Variants in TMEM59 observed in about 807,000 individuals in gnomAD.
TMEM59 encodes the protein transmembrane protein 59, also known as dendritic cell factor 1.
TMEM59 carries 44 observed loss-of-function variants against 42.2 expected under a neutral mutation model. The ratio of observed to expected loss-of-function variants is 1.04; its 90% CI spans 0.82 to 1.34. TMEM59 has a LOEUF of 1.34. Among genes scored for constraint, TMEM59 ranks in the 40% most tolerant of loss-of-function variants. The probability of loss-of-function intolerance (pLI) is 0.00; values close to 1 mark genes in which losing one functional copy is unlikely to be tolerated. For synonymous variants in TMEM59, 148 were observed against 145.8 expected, an observed-to-expected ratio of 1.02 and a Z score of -0.11; for missense variants, 359 against 382.8, an observed-to-expected ratio of 0.94 and a Z score of 0.52.
intron 4 of TMEM59, 89 bp downstream of exon 4, chr1:54,043,284 G>C: frequency 4.4e-6 from 5 of 1,126,642 alleles, no homozygotes; most frequent in Non-Finnish European, 5.9e-6. Flanking sequence ...GTAAGTGACT[G>C]AGTATGGTTC....
intron 3 of TMEM59, chr1:54,043,754 C>G (rs1657226065): frequency 5.4e-6 from 1 of 184,452 alleles, no homozygotes; most frequent in Non-Finnish European, 1.1e-5. Context: ...TACTAGCTAC[C>G]TGTCACCTCT....
intron 5 of TMEM59, 83 bp downstream of exon 5, chr1:54,041,641 T>C: frequency 9.5e-7 from 1 of 1,057,680 alleles, no homozygotes; most frequent in Non-Finnish European, 1.5e-6. Context: ...GTTCCATCAG[T>C]GTAAAAACAA....
Position 54,047,518 on chromosome 1 carries a change from C to A in TMEM59, c.190-146G>T, listed in dbSNP as rs1231454488. 4 of 645,626 alleles carry A rather than the reference C, an allele frequency of 6.2e-6. No individual in the cohort carries two copies. In the East Asian group the frequency reaches 1.2e-4, roughly 19 times the overall value. The allele number at this position is 645,626 out of a possible 1,614,324, so 40.0% of individuals were successfully genotyped here. A position where few individuals can be genotyped will look rare whatever the true frequency, so the allele number is the denominator to read the frequency against. On this transcript the variant is annotated intron_variant, in intron 1 of 7. Transcript: ENST00000234831. ...AACTGAAAGAAAAAAATGATAGGAG[C>A]CAGTTGATACTCAAGACCTTTGCCA...
At position 54,030,134 on chromosome 1, in the gene TMEM59, A is replaced by G. The variant is rs1656718857; in HGVS notation, c.*2016T>C. The G allele has an allele frequency of 6.6e-6, 1 of 151,830 alleles. No homozygotes were observed. The highest frequency in any genetic ancestry group is 2.4e-5 in the African/African-American group (1 of 41,314). The allele number at this position is 151,830 out of a possible 1,614,324, so 9.4% of individuals were successfully genotyped here. On this transcript the variant is annotated 3_prime_UTR_variant, in exon 8 of 8. Coordinates refer to ENST00000234831, the MANE Select transcript of TMEM59 (RefSeq NM_004872.5). ...GGTGGAGAATATAGGACAACTGTAC[A>G]GTTGCTTTAAAAAAAAAAAAAAAGA...
chr1:54,049,387 C>T (rs1483437146), intron 1 of TMEM59, among the ~76,000 whole-genome samples: 3 of 152,124 alleles, frequency 2.0e-5, no homozygotes, highest in South Asian at 2.1e-4. Flanking sequence ...ATCTAATAGA[C>T]AGACATATTT....
intron 7 of TMEM59, 135 bp from the exon 8 acceptor site, chr1:54,032,440 T>A: frequency 1.1e-6 from 1 of 921,750 alleles, no homozygotes. Context: ...AGAAGAATAC[T>A]TTTTCTCAAA....
Position 54,040,857 on chromosome 1 carries a change from G to C in TMEM59, c.626-20C>G. On this transcript the variant is annotated intron_variant, in intron 5 of 7. Transcript: ENST00000234831. Reference sequence around the variant, plus strand: ...GCAGATCTGCTGAAATAGTAAGTATGAGTTTATTATATCCTATATTCCAAA... The same window carrying C: ...GCAGATCTGCTGAAATAGTAAGTATCAGTTTATTATATCCTATATTCCAAA... 6.2e-7 allele frequency: 1 copy of C among 1,600,368 alleles called. No homozygotes were observed. The highest frequency in any genetic ancestry group is 8.6e-7 in the Non-Finnish European group (1 of 1,167,982).
At chr1:54,047,598 G>C (rs1429049055) in intron 1 of TMEM59, 1 of 437,688 alleles carries the variant, frequency 2.3e-6, no homozygotes, top group Non-Finnish European at 4.0e-6. Flanking sequence ...AAGCCTAGTA[G>C]GTAAAACCAC....
chr1:54,045,921 T>C lies in TMEM59; in HGVS notation c.296-135A>G, dbSNP rs1396573970. The C allele has an allele frequency of 3.1e-5, 21 of 671,064 alleles. No individual in the cohort carries two copies. In the Admixed American group the frequency reaches 6.2e-4, roughly 20 times the overall value. The allele number at this position is 671,064 out of a possible 1,614,324, so 41.6% of individuals were successfully genotyped here. Reference sequence around the variant, plus strand: ...CAATGTGAATTTCCAAATTTGGTAATATAGTAGTAGGAAATGTATCTTTAA... The same window carrying C: ...CAATGTGAATTTCCAAATTTGGTAACATAGTAGTAGGAAATGTATCTTTAA... On this transcript the variant is annotated intron_variant, in intron 2 of 7. Coordinates refer to ENST00000234831, the MANE Select transcript of TMEM59 (RefSeq NM_004872.5).
At chr1:54,050,214 C>T (rs1389611348) in intron 1 of TMEM59, among the ~76,000 whole-genome samples, 5 of 151,888 alleles carry the variant, frequency 3.3e-5, no homozygotes, top group African/African-American at 7.3e-5. Context: ...CAACCTCCAC[C>T]GCCCGGGTTC....
Position 54,053,007 on chromosome 1 carries a change from T to G in TMEM59, c.182A>C (p.Tyr61Ser). 6.2e-7 allele frequency: 1 copy of G among 1,612,790 alleles called. No homozygotes were observed. Among genetic ancestry groups the G allele is most frequent in the Non-Finnish European group, 8.5e-7 (1 of 1,179,368 alleles). ...ACQLTYPLHT[Y>S]PKEEELYACQ... ...GCTCCGGACGGGCCCTACCTTAGGGTAGGTGTGCAAGGGGTAGGTCAACTG... is the reference window on the plus strand; with the variant it reads ...GCTCCGGACGGGCCCTACCTTAGGGGAGGTGTGCAAGGGGTAGGTCAACTG... Residue 61 changes from tyrosine (Y) to serine (S), a missense_variant, in exon 1 of 8, where the codon TAC becomes TCC. Transcript: ENST00000234831.
rs12504 is a variant in TMEM59 at position 54,031,990 on chromosome 1, C to T, written c.*160G>A. 7.2e-6 allele frequency: 4 copies of T among 552,718 alleles called. No individual in the cohort carries two copies. The highest frequency in any genetic ancestry group is 8.6e-6 in the Non-Finnish European group (3 of 349,398). 34.2% of individuals were successfully genotyped at this position (552,718 alleles called of 1,614,324 possible). ...TCTTAAATTACTACAAAAACAATAC[C>T]AATAAAGTTATAGCAAATACAGTCT... is the stretch of plus-strand genomic sequence containing the variant. On this transcript the variant is annotated 3_prime_UTR_variant, in exon 8 of 8. Transcript: ENST00000234831.
intron 1 of TMEM59, among the ~76,000 whole-genome samples, chr1:54,051,686 T>C (rs1166496382): frequency 6.6e-6 from 1 of 152,206 alleles, no homozygotes; most frequent in East Asian, 1.9e-4. Context: ...AGCTTCTTCA[T>C]ACAATCCTCT....
intron 4 of TMEM59, among the ~76,000 whole-genome samples, chr1:54,042,906 G>A (rs971515758): frequency 1.3e-5 from 2 of 152,128 alleles, no homozygotes; most frequent in African/African-American, 2.4e-5. Flanking sequence ...TGTGGTAAAC[G>A]ATGAGATAGG....
In TMEM59 at chr1:54,042,667, G is replaced by C. The variant is rs1657180168; in HGVS notation, c.543+706C>G. ...AACTCTGTTGACTGGTAAATTTGAG[G>C]AATTCAACTACTGAATTAAAAGCAT... On this transcript the variant is annotated intron_variant, in intron 4 of 7. Transcript: ENST00000234831. Among the ~76,000 whole-genome samples, 3 of 152,134 alleles carry C rather than the reference G, an allele frequency of 2.0e-5. No individual in the cohort carries two copies. In the South Asian group the frequency reaches 6.2e-4, roughly 32 times the overall value.
intron 1 of TMEM59, among the ~76,000 whole-genome samples, chr1:54,052,365 G>A (rs1657574394): frequency 6.6e-6 from 1 of 152,164 alleles, no homozygotes. Flanking sequence ...TTTCTGCACT[G>A]AGTGGTCAGT....
Position 54,052,998 on chromosome 1 carries a change from A to G in TMEM59, c.189+2T>C. 6.2e-7 allele frequency: 1 copy of G among 1,612,370 alleles called. No individual in the cohort carries two copies. The highest frequency in any genetic ancestry group is 8.5e-7 in the Non-Finnish European group (1 of 1,178,876). ...TCGCAGCCCGCTCCGGACGGGCCCT[A>G]CCTTAGGGTAGGTGTGCAAGGGGTA... On this transcript the variant is annotated splice_donor_variant, in intron 1 of 7. Transcript: ENST00000234831. LOFTEE classifies it high-confidence loss of function.
chr1:54,045,631 C>G (rs758424474), intron 3 of TMEM59, 61 bp downstream of exon 3: 1 of 1,500,812 alleles, frequency 6.7e-7, no homozygotes, highest in Non-Finnish European at 9.3e-7. Flanking sequence ...ATAAACACTT[C>G]AAGCAATACA....
At chr1:54,044,208 T>C (rs1657244709) in intron 3 of TMEM59, 2 of 151,832 alleles carry the variant, frequency 1.3e-5, no homozygotes, top group Non-Finnish European at 1.5e-5. Flanking sequence ...CTAGGCGTGG[T>C]GGCGCACGCC....
Sources: allele counts gnomAD v4.1 joint callset (sites outside exome capture counted in the v4.1 genomes callset), GRCh38; gene constraint gnomAD v4.1.1; transcripts MANE v1.5; gene names NCBI Gene and HGNC (gene_info 2026-07-23, HGNC 2026-07-21).